Variants in ANAPC10 observed in about 807,000 individuals in gnomAD.
ANAPC10 encodes anaphase-promoting complex subunit 10.
Under a neutral mutation model 22.0 loss-of-function variants are expected in ANAPC10, and 12 were observed. The observed-to-expected ratio is 0.55, with a 90% CI of 0.35 to 0.88. The LOEUF (loss-of-function observed/expected upper bound fraction) is 0.88. Among genes scored for constraint, ANAPC10 ranks in the 40% least tolerant of loss-of-function variants. ANAPC10 has a pLI of 0.01. For missense variants in ANAPC10, 188 were observed against 220.9 expected, an observed-to-expected ratio of 0.85 and a Z score of 0.94; for synonymous variants, 65 against 69.5, an observed-to-expected ratio of 0.94 and a Z score of 0.32.
intron 4 of ANAPC10, among the ~76,000 whole-genome samples, chr4:145,053,105 G>A (rs925381306): frequency 6.6e-6 from 1 of 152,002 alleles, no homozygotes; most frequent in Non-Finnish European, 1.5e-5. Context: ...TCAATATGAG[G>A]GACTTGCCCT....
At chr4:145,027,212 C>T (rs1736894574) in intron 4 of ANAPC10, among the ~76,000 whole-genome samples, 1 of 150,364 alleles carries the variant, frequency 6.7e-6, no homozygotes, top group African/African-American at 2.4e-5. Context: ...CCATGTTGGC[C>T]AGGCTAGTCT....
At chr4:145,003,664 C>T (rs1161837402) in intron 4 of ANAPC10, among the ~76,000 whole-genome samples, 1 of 152,096 alleles carries the variant, frequency 6.6e-6, no homozygotes, top group Non-Finnish European at 1.5e-5. Context: ...TGTGCAGCAT[C>T]ATTTCTGGGC....
chr4:145,038,758 G>A (rs1739012726), intron 4 of ANAPC10, among the ~76,000 whole-genome samples: 1 of 147,612 alleles, frequency 6.8e-6, no homozygotes, highest in African/African-American at 2.5e-5. Context: ...GGAGGCCAAG[G>A]TTGCAGTGAG....
At position 145,020,008 on chromosome 4, in the gene ANAPC10, AAAG is replaced by A. The variant is rs374767651; in HGVS notation, c.328-24408_328-24406del. Among the ~76,000 whole-genome samples the A allele has an allele frequency of 7.2e-4, 110 of 152,298 alleles. No individual in the cohort carries two copies. The South Asian group carries it at 0.02, about 28-fold the overall frequency. ...CACAGCAGAATTCTACCAGACTTTC[AAAG>A]AAGAATTGGTACCGATCCTACTGAC... On this transcript the variant is annotated intron_variant, in intron 4 of 4. Transcript: ENST00000507656.
intron 3 of ANAPC10, among the ~76,000 whole-genome samples, chr4:145,069,614 G>A (rs1343877889): frequency 6.6e-6 from 1 of 152,144 alleles, no homozygotes; most frequent in East Asian, 1.9e-4. Flanking sequence ...TTAGTAATGA[G>A]GCTAATCTTG....
chr4:145,047,686 T>A (rs1336883540), intron 4 of ANAPC10, among the ~76,000 whole-genome samples: 1 of 152,160 alleles, frequency 6.6e-6, no homozygotes, highest in Non-Finnish European at 1.5e-5. Flanking sequence ...AATAAGTTTC[T>A]TAAAGTCAGG....
intron 4 of ANAPC10, among the ~76,000 whole-genome samples, chr4:145,025,338 C>T (rs982345261): frequency 2.0e-5 from 3 of 150,076 alleles, no homozygotes; most frequent in Non-Finnish European, 4.4e-5. Context: ...ACACGCCCCC[C>T]CCCCCTTTTA....
At chr4:145,066,328 C>G (rs1029602044) in intron 3 of ANAPC10, among the ~76,000 whole-genome samples, 1 of 152,112 alleles carries the variant, frequency 6.6e-6, no homozygotes, top group South Asian at 2.1e-4. Context: ...AAACTGACAT[C>G]TTTCTCTCTG....
chr4:145,037,558 G>A (rs1291518737), intron 4 of ANAPC10, among the ~76,000 whole-genome samples: 1 of 152,018 alleles, frequency 6.6e-6, no homozygotes, highest in East Asian at 1.9e-4. Flanking sequence ...TGAGAAACAG[G>A]TGGGGGCATC....
chr4:145,097,406 C>A, intron 1 of ANAPC10: 1 of 1,046,400 alleles, frequency 9.6e-7, no homozygotes, highest in Non-Finnish European at 1.3e-6. Flanking sequence ...GGATCGTGAA[C>A]AATATGTAAA....
intron 4 of ANAPC10, among the ~76,000 whole-genome samples, chr4:145,016,938 A>C (rs1735262063): frequency 6.6e-6 from 1 of 152,208 alleles, no homozygotes; most frequent in African/African-American, 2.4e-5. Flanking sequence ...CTGAAACTGG[A>C]TCCCTTCCTT....
At chr4:145,088,684 T>C (rs892651073) in intron 2 of ANAPC10, among the ~76,000 whole-genome samples, 1 of 152,182 alleles carries the variant, frequency 6.6e-6, no homozygotes, top group Non-Finnish European at 1.5e-5. Context: ...TCCATTGGTG[T>C]TCACCATTAT....
intron 4 of ANAPC10, among the ~76,000 whole-genome samples, chr4:145,039,404 T>C (rs1253354788): frequency 6.6e-6 from 1 of 152,184 alleles, no homozygotes; most frequent in African/African-American, 2.4e-5. Context: ...GTGAATTATA[T>C]AGGAGTGGAT....
intron 4 of ANAPC10, among the ~76,000 whole-genome samples, chr4:145,045,292 T>C (rs2127162825): frequency 1.3e-5 from 2 of 152,238 alleles, no homozygotes; most frequent in South Asian, 4.1e-4. Context: ...AAGACAGACA[T>C]TGTTCACCTA....
chr4:145,051,233 TAGAG>T (rs57384763), intron 4 of ANAPC10, among the ~76,000 whole-genome samples: 41,855 of 151,784 alleles, frequency 0.28, 7,213 homozygotes, highest in Non-Finnish European at 0.38. Flanking sequence ...AAAACACAAT[TAGAG>T]AGAAAGAGAT....
rs779438800 is a variant in ANAPC10 at position 144,999,926 on chromosome 4, T to A, written c.328-4323A>T. ...TATCTACAACCATCTCATCTTTGATTAACCTGACAAAAACAAGAAATGGGG... is the reference window on the plus strand; with the variant it reads ...TATCTACAACCATCTCATCTTTGATAAACCTGACAAAAACAAGAAATGGGG... On this transcript the variant is annotated intron_variant, in intron 4 of 4. Transcript: ENST00000507656. Among the ~76,000 whole-genome samples the A allele has an allele frequency of 2.8e-4, 42 of 152,186 alleles. 1 individual carries two copies. Among genetic ancestry groups the A allele is most frequent in the Admixed American group, 5.9e-4 (9 of 15,282 alleles).
intron 4 of ANAPC10, among the ~76,000 whole-genome samples, chr4:145,045,002 T>C (rs1023568219): frequency 2.0e-5 from 3 of 152,006 alleles, no homozygotes; most frequent in African/African-American, 7.2e-5. Context: ...TAATCAGCTA[T>C]TATGCCTACT....
At chr4:145,053,735 A>T (rs757913733) in intron 4 of ANAPC10, 1 of 643,728 alleles carries the variant, frequency 1.6e-6, no homozygotes, top group East Asian at 2.8e-5. Context: ...CTTTATCCTG[A>T]GACTTGAAGA....
At chr4:145,059,423 T>TA (rs1219397432) in intron 4 of ANAPC10, among the ~76,000 whole-genome samples, 3 of 151,902 alleles carry the variant, frequency 2.0e-5, no homozygotes, top group Admixed American at 6.6e-5. Context: ...AGCCTCCTTT[T>TA]AAAAAAAATC....
Sources: allele counts gnomAD v4.1 joint callset (sites outside exome capture counted in the v4.1 genomes callset), GRCh38; gene constraint gnomAD v4.1.1; transcripts MANE v1.5; gene names NCBI Gene and HGNC (gene_info 2026-07-23, HGNC 2026-07-21).